TNKS: variants seen among roughly 807,000 people sequenced by gnomAD.
TNKS encodes the protein poly [ADP-ribose] polymerase tankyrase-1.
A neutral mutation model predicts 135.8 loss-of-function variants in TNKS; 72 were observed. The ratio of observed to expected loss-of-function variants is 0.53; its 90% confidence interval spans 0.44 to 0.64. The LOEUF (loss-of-function observed/expected upper bound fraction) is 0.64, where lower values mean the gene tolerates loss of function less well. TNKS is among the 30% of genes least tolerant of loss of function. TNKS has a pLI of 0.00. For missense variants in TNKS, 1,769 were observed against 1,674.0 expected, an observed-to-expected ratio of 1.06 and a Z score of -0.99; for synonymous variants, 849 against 649.3, an observed-to-expected ratio of 1.31 and a Z score of -4.68.
At chr8:9,774,350 G>T (rs767332336) in intron 26 of TNKS, among the ~76,000 whole-genome samples, 2 of 152,200 alleles carry the variant, frequency 1.3e-5, no homozygotes, top group Admixed American at 6.5e-5. Flanking sequence ...AAGAGAGCAT[G>T]ACGGTCCCTT....
chr8:9,654,746 A>T (rs1801282205), intron 3 of TNKS, among the ~76,000 whole-genome samples: 1 of 152,194 alleles, frequency 6.6e-6, no homozygotes, highest in African/African-American at 2.4e-5. Context: ...GGAATACCTT[A>T]AAAAGTATCT....
chr8:9,646,649 C>A (rs1800930266), intron 3 of TNKS, among the ~76,000 whole-genome samples: 1 of 152,092 alleles, frequency 6.6e-6, no homozygotes, highest in Non-Finnish European at 1.5e-5. Flanking sequence ...TTAAATGGGA[C>A]CTTGAAGGCC....
intron 20 of TNKS, among the ~76,000 whole-genome samples, chr8:9,752,964 C>T (rs1212834860): frequency 2.1e-5 from 3 of 139,928 alleles, no homozygotes; most frequent in African/African-American, 2.8e-5. Context: ...AACCCTATCT[C>T]GAAAAAAAAA....
At chr8:9,764,419 C>G (rs1807315953) in intron 22 of TNKS, among the ~76,000 whole-genome samples, 1 of 152,024 alleles carries the variant, frequency 6.6e-6, no homozygotes, top group Admixed American at 6.6e-5. Flanking sequence ...AGTGTTAGTT[C>G]TTCTTCTCAA....
chr8:9,780,500 T>G lies in TNKS; in HGVS notation c.*3764T>G, dbSNP rs889017466. On this transcript the variant is annotated 3_prime_UTR_variant, in exon 27 of 27. Coordinates refer to ENST00000310430, the MANE Select transcript of TNKS (RefSeq NM_003747.3). ...ATCAGTGACAGAAGTGAAAAGAAAG[T>G]AATTGTGAAAGTGATGTTTGAGCTA... The G allele has an allele frequency of 4.6e-5, 7 of 152,108 alleles. No homozygotes were observed. The highest frequency in any genetic ancestry group is 1.3e-4 in the Admixed American group (2 of 15,276). The allele number at this position is 152,108 out of a possible 1,614,324, so 9.4% of individuals were successfully genotyped here.
intron 3 of TNKS, among the ~76,000 whole-genome samples, chr8:9,642,488 T>C (rs1316370548): frequency 6.8e-6 from 1 of 146,356 alleles, no homozygotes; most frequent in Non-Finnish European, 1.5e-5. Flanking sequence ...GACAAATAAT[T>C]TGAAATGGTA....
Position 9,577,814 on chromosome 8 carries a change from C to G in TNKS, c.674-2345C>G, listed in dbSNP as rs1368729410. 2.0e-5 allele frequency among the ~76,000 whole-genome samples: 3 copies of G among 152,166 alleles called. No individual in the cohort carries two copies. The East Asian group carries it at 5.8e-4, about 29-fold the overall frequency. On this transcript the variant is annotated intron_variant, in intron 1 of 26. Coordinates refer to ENST00000310430, the MANE Select transcript of TNKS (RefSeq NM_003747.3). ...TGCCTTCCCGATAGTCCCCAATAGT[C>G]TCAACTCATTCCAGCATTAACTCAA...
chr8:9,580,669 C>G (rs1585192605), intron 2 of TNKS, among the ~76,000 whole-genome samples: 1 of 152,076 alleles, frequency 6.6e-6, no homozygotes, highest in Non-Finnish European at 1.5e-5. Context: ...CTTTTAAAGA[C>G]TGGACATTTT....
intron 2 of TNKS, among the ~76,000 whole-genome samples, chr8:9,599,791 TA>T (rs35076714): frequency 0.16 from 23,471 of 148,622 alleles, 2,108 homozygotes; most frequent in East Asian, 0.29. Flanking sequence ...TGTGCCTTTT[TA>T]AAAAAAAAAA....
chr8:9,688,640 C>G (rs1264655245), intron 5 of TNKS, among the ~76,000 whole-genome samples: 1 of 151,806 alleles, frequency 6.6e-6, no homozygotes, highest in East Asian at 1.9e-4. Flanking sequence ...TTTTTCTTTT[C>G]TTTTCTTTTT....
chr8:9,764,930 C>G (rs968909249), intron 23 of TNKS, 140 bp downstream of exon 23: 2 of 549,568 alleles, frequency 3.6e-6, no homozygotes, highest in Non-Finnish European at 3.1e-6. Flanking sequence ...TCAGATAGCA[C>G]TCTTCTCACT....
At chr8:9,711,712 A>G (rs949257906) in intron 11 of TNKS, among the ~76,000 whole-genome samples, 21 of 152,230 alleles carry the variant, frequency 1.4e-4, no homozygotes, top group Non-Finnish European at 4.4e-5. Context: ...CTTAAAGGTA[A>G]AAGTTACACA....
intron 5 of TNKS, among the ~76,000 whole-genome samples, chr8:9,699,411 T>A (rs1345209419): frequency 1.3e-5 from 2 of 152,208 alleles, no homozygotes; most frequent in Non-Finnish European, 1.5e-5. Flanking sequence ...TTCCCAAAGT[T>A]TGAAAAACCT....
chr8:9,717,650 G>C lies in TNKS; in HGVS notation c.1750-2724G>C, dbSNP rs1412636680. The stretch of plus-strand genomic sequence containing the variant: ...ACTTACCAACCATTTTCAAATATCT[G>C]TTTATACAAGGCATGGTACTTACTG... On this transcript the variant is annotated intron_variant, in intron 11 of 26. Coordinates refer to ENST00000310430, the MANE Select transcript of TNKS (RefSeq NM_003747.3). Among the ~76,000 whole-genome samples, 4 of 152,228 alleles carry C rather than the reference G, an allele frequency of 2.6e-5. No homozygotes were observed. In the East Asian group the frequency reaches 5.8e-4, roughly 22 times the overall value.
chr8:9,741,790 C>T (rs765195186), intron 17 of TNKS: 1 of 479,104 alleles, frequency 2.1e-6, no homozygotes, highest in Non-Finnish European at 4.5e-6. Context: ...ACTTCACGTT[C>T]CCTTGAGGCT....
intron 20 of TNKS, among the ~76,000 whole-genome samples, chr8:9,756,568 A>G (rs1806841935): frequency 6.6e-6 from 1 of 152,128 alleles, no homozygotes; most frequent in Admixed American, 6.6e-5. Context: ...TTTTCAGAAA[A>G]AAAAATGTCT....
chr8:9,716,211 C>T (rs190090685), intron 11 of TNKS, among the ~76,000 whole-genome samples: 35 of 152,176 alleles, frequency 2.3e-4, no homozygotes, highest in South Asian at 1.0e-3. Context: ...CATTTAGAAG[C>T]GATCACGAGT....
chr8:9,680,707 C>T lies in TNKS; in HGVS notation c.1032-18C>T, dbSNP rs998018239. 7.6e-6 allele frequency: 12 copies of T among 1,572,148 alleles called. No individual in the cohort carries two copies. Among genetic ancestry groups the T allele is most frequent in the African/African-American group, 6.8e-5 (5 of 74,008 alleles). Reference sequence around the variant, plus strand: ...AGCTTTGTAATTTTAGAGGAATTGACTTACTACCTTTTTATAGGAGTGGTA... The same window carrying T: ...AGCTTTGTAATTTTAGAGGAATTGATTTACTACCTTTTTATAGGAGTGGTA... On this transcript the variant is annotated intron_variant, in intron 4 of 26. Transcript: ENST00000310430.
chr8:9,671,976 C>A (rs760703597), intron 3 of TNKS, among the ~76,000 whole-genome samples: 6 of 152,316 alleles, frequency 3.9e-5, no homozygotes, highest in Non-Finnish European at 8.8e-5. Context: ...CGTGAACCTT[C>A]CCTTTGTCCA....
Sources: allele counts gnomAD v4.1 joint callset (sites outside exome capture counted in the v4.1 genomes callset), GRCh38; gene constraint gnomAD v4.1.1; transcripts MANE v1.5; gene names NCBI Gene and HGNC (gene_info 2026-07-23, HGNC 2026-07-21).